HSD17B2: variants seen among roughly 807,000 people sequenced by gnomAD.
HSD17B2 encodes hydroxysteroid 17-beta dehydrogenase 2, also known as 17-beta-hydroxysteroid dehydrogenase type 2.
In HSD17B2, 32 loss-of-function variants were observed where a neutral mutation model predicts 26.9. The ratio of observed to expected loss-of-function variants is 1.19; its 90% CI spans 0.90 to 1.60. HSD17B2 has a LOEUF of 1.60. Among genes scored for constraint, HSD17B2 ranks in the 40% most tolerant of loss-of-function variants. The pLI, the probability that HSD17B2 is intolerant of heterozygous loss-of-function variation, is 0.00. For missense variants in HSD17B2, 613 were observed against 468.6 expected, an observed-to-expected ratio of 1.31 and a Z score of -2.85; for synonymous variants, 246 against 186.7, an observed-to-expected ratio of 1.32 and a Z score of -2.59.
chr16:82,094,102 CAG>C (rs1904769965), intron 4 of HSD17B2: 2 of 152,202 alleles, frequency 1.3e-5, no homozygotes, highest in African/African-American at 2.4e-5. Flanking sequence ...GTTTTATCAG[CAG>C]AGTTACTATG....
intron 1 of HSD17B2, among the ~76,000 whole-genome samples, chr16:82,067,777 T>A (rs755563931): frequency 6.6e-6 from 1 of 152,248 alleles, no homozygotes; most frequent in African/African-American, 2.4e-5. Flanking sequence ...AATGTTTGAC[T>A]GAAGGTTTTA....
At chr16:82,096,264 C>G (rs1196374848) in intron 4 of HSD17B2, 1 of 152,102 alleles carries the variant, frequency 6.6e-6, no homozygotes, top group Non-Finnish European at 1.5e-5. Context: ...CTCTCTCACC[C>G]AGGCTGGAGC....
intron 1 of HSD17B2, chr16:82,056,368 G>C (rs945166449): frequency 1.3e-5 from 2 of 152,154 alleles, no homozygotes; most frequent in African/African-American, 4.8e-5. Context: ...TACTTTACTT[G>C]TAGCAATTCT....
At chr16:82,068,517 A>G (rs1001259178) in intron 2 of HSD17B2, 135 bp downstream of exon 2, 2 of 691,742 alleles carry the variant, frequency 2.9e-6, no homozygotes, top group Admixed American at 2.8e-5. Flanking sequence ...CTGAACCCCT[A>G]CCATGTGTGG....
chr16:82,065,428 T>C (rs1914547932), intron 1 of HSD17B2, among the ~76,000 whole-genome samples: 1 of 152,188 alleles, frequency 6.6e-6, no homozygotes, highest in Non-Finnish European at 1.5e-5. Flanking sequence ...AGGAACATGC[T>C]GGGCATCCTG....
At chr16:82,083,187 G>A (rs1231093747) in intron 3 of HSD17B2, among the ~76,000 whole-genome samples, 1 of 152,214 alleles carries the variant, frequency 6.6e-6, no homozygotes, top group Non-Finnish European at 1.5e-5. Flanking sequence ...AGTTCCAGGA[G>A]TGGGATGGGG....
At chr16:82,062,157 T>C (rs1272662035) in intron 1 of HSD17B2, among the ~76,000 whole-genome samples, 1 of 152,238 alleles carries the variant, frequency 6.6e-6, no homozygotes, top group Admixed American at 6.5e-5. Context: ...ATTCACATTA[T>C]TTCCCTTTTG....
chr16:82,076,960 G>A (rs1904305587), intron 3 of HSD17B2, among the ~76,000 whole-genome samples: 1 of 152,148 alleles, frequency 6.6e-6, no homozygotes, highest in Non-Finnish European at 1.5e-5. Context: ...AACCTAACCA[G>A]AGAAGTGAAA....
At chr16:82,060,958 TA>T (rs938127930) in intron 1 of HSD17B2, among the ~76,000 whole-genome samples, 1 of 151,946 alleles carries the variant, frequency 6.6e-6, no homozygotes, top group Non-Finnish European at 1.5e-5. Flanking sequence ...GTCGGTTTTT[TA>T]AAAAAAGTTT....
intron 1 of HSD17B2, among the ~76,000 whole-genome samples, chr16:82,039,272 C>CAT (rs397771391): frequency 7.3e-5 from 11 of 151,256 alleles, no homozygotes; most frequent in Non-Finnish European, 1.5e-4. Flanking sequence ...CACACACACA[C>CAT]GCACAAACAC....
chr16:82,039,915 A>C (rs560770934), intron 1 of HSD17B2, among the ~76,000 whole-genome samples: 1 of 152,318 alleles, frequency 6.6e-6, no homozygotes, highest in South Asian at 2.1e-4. Flanking sequence ...GATCCCAGGC[A>C]GACACAGGTC....
At chr16:82,075,746 G>C (rs928891452) in intron 3 of HSD17B2, among the ~76,000 whole-genome samples, 7 of 151,926 alleles carry the variant, frequency 4.6e-5, no homozygotes, top group African/African-American at 1.7e-4. Context: ...CAAAGAAAAG[G>C]CTGGGACCTC....
At chr16:82,077,483 C>G (rs563842627) in intron 3 of HSD17B2, among the ~76,000 whole-genome samples, 25 of 152,198 alleles carry the variant, frequency 1.6e-4, no homozygotes, top group Non-Finnish European at 3.1e-4. Flanking sequence ...CCTGTAATCC[C>G]AGCACACAGG....
intron 3 of HSD17B2, chr16:82,071,827 TTGGGTCAC>T (rs1914705301): frequency 6.4e-6 from 1 of 155,232 alleles, no homozygotes; most frequent in African/African-American, 2.4e-5. Flanking sequence ...GACCTGACTT[TTGGGTCAC>T]TGGGTCACTG....
chr16:82,098,432 C>T lies in HSD17B2; in HGVS notation c.1160C>T (p.Thr387Ile). The stretch of plus-strand genomic sequence containing the variant: ...ATGCCTAACTACAAGAAAAAGGCCA[C>T]CTAGGCAATGGAAGCCCTCAAAGAA... ...LRMPNYKKKA[T>I] is the part of the protein sequence containing the mutation. Residue 387 changes from threonine (T) to isoleucine (I), a missense_variant, in exon 5 of 5, where the codon ACC becomes ATC. Physicochemically the swap from Thr to Ile is moderately conservative, Grantham distance 89. Coordinates refer to ENST00000199936, the MANE Select transcript of HSD17B2 (RefSeq NM_002153.3). 3 of 1,594,108 alleles carry T rather than the reference C, an allele frequency of 1.9e-6. No homozygotes were observed. Among genetic ancestry groups the T allele is most frequent in the Non-Finnish European group, 2.6e-6 (3 of 1,170,040 alleles).
chr16:82,098,243 A>G lies in HSD17B2; in HGVS notation c.971A>G (p.Asp324Gly), dbSNP rs1235314527. ...ASKDFSPVLRDIQHAILAKSP... is the reference protein window; with the variant it reads ...ASKDFSPVLRGIQHAILAKSP... ...AAGGACTTCTCTCCGGTGCTGCGGG[A>G]CATCCAGCATGCTATCTTGGCGAAG... Residue 324 changes from aspartate to glycine, a missense_variant, in exon 5 of 5, where the codon GAC becomes GGC. Coordinates refer to ENST00000199936, the MANE Select transcript of HSD17B2 (RefSeq NM_002153.3). 1 of 1,614,120 alleles carries G rather than the reference A, an allele frequency of 6.2e-7. No individual in the cohort carries two copies. Among genetic ancestry groups the G allele is most frequent in the Non-Finnish European group, 8.5e-7 (1 of 1,180,040 alleles).
chr16:82,085,855 T>C (rs1431766835), intron 3 of HSD17B2, among the ~76,000 whole-genome samples: 1 of 151,986 alleles, frequency 6.6e-6, no homozygotes, highest in South Asian at 2.1e-4. Flanking sequence ...AAATACACAA[T>C]TGCTAGAAAT....
intron 3 of HSD17B2, among the ~76,000 whole-genome samples, chr16:82,075,447 ACT>A (rs1904295775): frequency 6.6e-6 from 1 of 152,130 alleles, no homozygotes; most frequent in Non-Finnish European, 1.5e-5. Flanking sequence ...AAATTGACAA[ACT>A]TTTAATGAGA....
chr16:82,064,584 C>T (rs1914527481), intron 1 of HSD17B2, among the ~76,000 whole-genome samples: 1 of 152,048 alleles, frequency 6.6e-6, no homozygotes, highest in Non-Finnish European at 1.5e-5. Flanking sequence ...GACTGTTTTC[C>T]AAAGCAAAGA....
Sources: allele counts gnomAD v4.1 joint callset (sites outside exome capture counted in the v4.1 genomes callset), GRCh38; gene constraint gnomAD v4.1.1; transcripts MANE v1.5; gene names NCBI Gene and HGNC (gene_info 2026-07-23, HGNC 2026-07-21).